URI1: variants seen among roughly 807,000 people sequenced by gnomAD.
URI1 encodes unconventional prefoldin RPB5 interactor 1.
A neutral mutation model predicts 60.2 loss-of-function variants in URI1; 39 were observed. The ratio of observed to expected loss-of-function variants is 0.65; its 90% CI spans 0.50 to 0.85. The LOEUF (loss-of-function observed/expected upper bound fraction) is 0.85. Among genes scored for constraint, URI1 ranks in the 40% least tolerant of loss-of-function variants. The pLI is 0.00. For missense variants in URI1, 691 were observed against 665.9 expected, an observed-to-expected ratio of 1.04 and a Z score of -0.42; for synonymous variants, 251 against 236.8, an observed-to-expected ratio of 1.06 and a Z score of -0.55.
chr19:29,923,735 G>T (rs757344580), exon 1 of URI1: 2 of 1,536,752 alleles, frequency 1.3e-6, no homozygotes, highest in South Asian at 2.4e-5. Flanking sequence ...GTTTCTAAGA[G>T]GGCTCTGGCA....
chr19:30,007,436 A>T, intron 6 of URI1, 34 bp from the exon 7 acceptor site: 1 of 1,604,076 alleles, frequency 6.2e-7, no homozygotes, highest in Admixed American at 1.7e-5. Context: ...TATGTTGGCT[A>T]TTAACAGCCA....
At chr19:29,946,598 G>A (rs1401400580) in intron 1 of URI1, among the ~76,000 whole-genome samples, 2 of 152,172 alleles carry the variant, frequency 1.3e-5, no homozygotes, top group East Asian at 3.9e-4. Flanking sequence ...TCCTGATATA[G>A]ATCCTTGGGG....
chr19:29,964,625 C>T (rs1406197878), intron 1 of URI1, among the ~76,000 whole-genome samples: 8 of 151,302 alleles, frequency 5.3e-5, no homozygotes, highest in Non-Finnish European at 1.2e-4. Flanking sequence ...AACGCCTGGC[C>T]AATTTTTTGT....
chr19:29,940,778 C>T (rs2055015106), upstream of URI1, among the ~76,000 whole-genome samples: 1 of 152,180 alleles, frequency 6.6e-6, no homozygotes, highest in Non-Finnish European at 1.5e-5. Flanking sequence ...TTCCTACAGG[C>T]ACAGGACTAT....
Position 29,942,402 on chromosome 19 carries a change from A to AGCG in URI1, c.-135_-133dup, listed in dbSNP as rs924369025. ...AGCGGGCGGCGCGGACGCGAACAGC[A>AGCG]GCGGCGGCGGCGGGCGCGGCCTCCT... On this transcript the variant is annotated 5_prime_UTR_variant, in exon 1 of 11. Coordinates refer to ENST00000392271, the MANE Select transcript of URI1 (RefSeq NM_003796.3). The AGCG allele has an allele frequency of 7.2e-5, 71 of 982,532 alleles. No homozygotes were observed. Among genetic ancestry groups the AGCG allele is most frequent in the Middle Eastern group, 5.2e-4 (1 of 1,934 alleles). The allele number at this position is 982,532 out of a possible 1,614,324, so 60.9% of individuals were successfully genotyped here. A position where few individuals can be genotyped will look rare whatever the true frequency, so the allele number is the denominator to read the frequency against.
intron 1 of URI1, among the ~76,000 whole-genome samples, chr19:29,963,983 A>G (rs2055357925): frequency 6.6e-6 from 1 of 152,186 alleles, no homozygotes; most frequent in Non-Finnish European, 1.5e-5. Flanking sequence ...TTTGACAGAT[A>G]CCATGGGAGG....
At chr19:29,995,821 G>T (rs1414347554) in intron 4 of URI1, among the ~76,000 whole-genome samples, 2 of 151,040 alleles carry the variant, frequency 1.3e-5, no homozygotes, top group African/African-American at 2.4e-5. Context: ...TTATTCTTTT[G>T]CATGTGGTTC....
chr19:29,991,876 C>T (rs1961318132), intron 4 of URI1, among the ~76,000 whole-genome samples: 1 of 151,956 alleles, frequency 6.6e-6, no homozygotes, highest in Admixed American at 6.5e-5. Flanking sequence ...TGTAGTTTTT[C>T]TTCTGTATCT....
rs1026610579 is a variant in URI1 at position 29,926,090 on chromosome 19, T to C, written c.63+2336T>C. Among the ~76,000 whole-genome samples the C allele has an allele frequency of 1.2e-4, 18 of 150,042 alleles. No homozygotes were observed. The East Asian group carries it at 2.8e-3, about 23-fold the overall frequency. Reference sequence around the variant, plus strand: ...TCTTTCCTTCCTTCCTTCCTTCCTCTTTCTCTCTTTCTTTCTGTTTTTATT... The same window carrying C: ...TCTTTCCTTCCTTCCTTCCTTCCTCCTTCTCTCTTTCTTTCTGTTTTTATT... On this transcript the variant is annotated intron_variant, in intron 1 of 10. Coordinates refer to the URI1 transcript ENST00000360605.
intron 1 of URI1, among the ~76,000 whole-genome samples, chr19:29,936,762 C>CT (rs35626995): frequency 5.3e-5 from 8 of 151,634 alleles, no homozygotes; most frequent in East Asian, 1.9e-4. Flanking sequence ...TTTTCCTTTT[C>CT]TTTTTTTTGA....
chr19:29,947,712 T>C (rs546399880), intron 1 of URI1, among the ~76,000 whole-genome samples: 2 of 152,248 alleles, frequency 1.3e-5, no homozygotes, highest in Non-Finnish European at 2.9e-5. Context: ...TTTCCAATTA[T>C]ATATTGTAAG....
At chr19:29,938,408 G>A (rs891868483), upstream of URI1, among the ~76,000 whole-genome samples, 1 of 152,162 alleles carries the variant, frequency 6.6e-6, no homozygotes, top group Non-Finnish European at 1.5e-5. Flanking sequence ...CTGCAGAAGA[G>A]CAGCAAACCA....
intron 1 of URI1, among the ~76,000 whole-genome samples, chr19:29,930,861 CTT>C (rs35842559): frequency 0.059 from 7,783 of 131,086 alleles, 672 homozygotes; most frequent in African/African-American, 0.2. Flanking sequence ...CCATGCCTGT[CTT>C]TTTTTTTTTT....
At chr19:29,964,697 G>A (rs1334979233) in intron 1 of URI1, among the ~76,000 whole-genome samples, 1 of 151,794 alleles carries the variant, frequency 6.6e-6, no homozygotes, top group Non-Finnish European at 1.5e-5. Context: ...CCTGATCTTA[G>A]GTGATCCACC....
At chr19:29,932,873 G>A (rs1046295328) in intron 1 of URI1, among the ~76,000 whole-genome samples, 10 of 150,690 alleles carry the variant, frequency 6.6e-5, no homozygotes, top group Non-Finnish European at 1.2e-4. Flanking sequence ...GGCTGGTCTC[G>A]AACTCCTGAC....
chr19:29,942,205 G>A (rs1011649823), upstream of URI1: 6 of 984,364 alleles, frequency 6.1e-6, no homozygotes, highest in Admixed American at 6.2e-5. Context: ...CGGGGCCTGC[G>A]CGCTTGCTTC....
At position 29,985,081 on chromosome 19, in the gene URI1, C is replaced by G. The variant is rs989938815; in HGVS notation, c.153-142C>G. The G allele has an allele frequency of 1.0e-5, 7 of 672,010 alleles. No individual in the cohort carries two copies. In the East Asian group the frequency reaches 2.2e-4, roughly 21 times the overall value. 41.6% of individuals were successfully genotyped at this position (672,010 alleles called of 1,614,324 possible). On this transcript the variant is annotated intron_variant, in intron 2 of 10. Coordinates refer to ENST00000392271, the MANE Select transcript of URI1 (RefSeq NM_003796.3). ...GGTGCAGTGAGCCGAGATCACGCCA[C>G]TGCACTTTAGCCTGGGCGACGGAGC...
rs574943876 is a variant in URI1 at position 30,000,296 on chromosome 19, G to A, written c.368-5065G>A. Among the ~76,000 whole-genome samples, 6 of 151,912 alleles carry A rather than the reference G, an allele frequency of 3.9e-5. No homozygotes were observed. In the East Asian group the frequency reaches 1.2e-3, roughly 29 times the overall value. On this transcript the variant is annotated intron_variant, in intron 4 of 10. Coordinates refer to ENST00000392271, the MANE Select transcript of URI1 (RefSeq NM_003796.3). The stretch of plus-strand genomic sequence containing the variant: ...TCATTGTCTTGCTTCAATTTGGACT[G>A]GCTTCTCTCCTGATCAAAGGAGAGC...
At chr19:29,984,934 A>G (rs2145369154) in intron 2 of URI1, among the ~76,000 whole-genome samples, 1 of 152,068 alleles carries the variant, frequency 6.6e-6, no homozygotes. Context: ...AGCCTGACCA[A>G]CATGGTGAAA....
Sources: allele counts gnomAD v4.1 joint callset (sites outside exome capture counted in the v4.1 genomes callset), GRCh38; gene constraint gnomAD v4.1.1; transcripts MANE v1.5; gene names NCBI Gene and HGNC (gene_info 2026-07-23, HGNC 2026-07-21).